The following MTRF1 variants were observed in gnomAD, a reference collection of about 807,000 sequenced individuals.
MTRF1 encodes the protein mitochondrial translation release factor 1.
Under a neutral mutation model 62.9 loss-of-function variants are expected in MTRF1, and 51 were observed. The observed-to-expected ratio is 0.81, with a 90% confidence interval of 0.65 to 1.02. The LOEUF (loss-of-function observed/expected upper bound fraction) is 1.02. MTRF1 is among the 50% of genes least tolerant of loss of function. The pLI is 0.00. For synonymous variants in MTRF1, 158 were observed against 181.9 expected (o/e 0.87, Z 1.06); for missense variants, 446 against 530.0 (o/e 0.84, Z 1.56).
chr13:41,273,937 T>C, the MTRF1 span, among the ~76,000 whole-genome samples: 53 of 152,338 alleles, frequency 3.5e-4, no homozygotes, highest in African/African-American at 1.3e-3. Context: ...GAAGGAGCTT[T>C]CAGGTCATAG....
At chr13:41,284,412 A>G in the MTRF1 span, among the ~76,000 whole-genome samples, 3 of 151,688 alleles carry the variant, frequency 2.0e-5, no homozygotes, top group East Asian at 3.9e-4. Context: ...GAACCTGGGA[A>G]GCAGAGGCTG....
chr13:41,284,802 C>T, the MTRF1 span, among the ~76,000 whole-genome samples: 29 of 152,104 alleles, frequency 1.9e-4, 1 homozygote, highest in East Asian at 4.3e-3. Context: ...TGCTGGCACC[C>T]GCCACCACAA....
At chr13:41,279,965 T>A in the MTRF1 span, among the ~76,000 whole-genome samples, 77 of 152,152 alleles carry the variant, frequency 5.1e-4, no homozygotes, top group African/African-American at 1.7e-3. Flanking sequence ...TGAGACAGAG[T>A]TTTGCTCTGT....
chr13:41,229,898 C>T lies in MTRF1; in HGVS notation c.989-3330G>A, dbSNP rs142585719. 3.3e-3 allele frequency among the ~76,000 whole-genome samples: 504 copies of T among 152,140 alleles called. 2 individuals carry two copies. The highest frequency in any genetic ancestry group is 0.011 in the African/African-American group (459 of 41,506). On this transcript the variant is annotated intron_variant, in intron 7 of 9. Transcript: ENST00000379480. ...GGCAGATCACTCTAGGTCAGGAGTT[C>T]GAGACCAGCCTGGCCAACATGGTGA... is the stretch of plus-strand genomic sequence containing the variant.
intron 6 of MTRF1, among the ~76,000 whole-genome samples, chr13:41,239,490 A>C (rs1049719731): frequency 1.3e-5 from 2 of 152,140 alleles, no homozygotes; most frequent in Non-Finnish European, 2.9e-5. Context: ...AATGTGAGAA[A>C]ATGTAAACAA....
chr13:41,243,404 CAAAAAA>C (rs371273057), intron 5 of MTRF1, among the ~76,000 whole-genome samples: 1 of 76,508 alleles, frequency 1.3e-5, no homozygotes, highest in Non-Finnish European at 2.4e-5. Flanking sequence ...GACCCTGTCT[CAAAAAA>C]AAAAAAAAAA....
At chr13:41,292,701 T>C in the MTRF1 span, among the ~76,000 whole-genome samples, 1 of 151,992 alleles carries the variant, frequency 6.6e-6, no homozygotes, top group Non-Finnish European at 1.5e-5. Context: ...ATGAGGATCA[T>C]TTGAGGCAGG....
intron 7 of MTRF1, among the ~76,000 whole-genome samples, chr13:41,231,932 T>C (rs1213518055): frequency 6.7e-6 from 1 of 148,532 alleles, no homozygotes; most frequent in African/African-American, 2.5e-5. Context: ...CAAGCGCCTA[T>C]AGTTCCAGCT....
the MTRF1 span, among the ~76,000 whole-genome samples, chr13:41,273,143 A>G: frequency 1.1e-4 from 17 of 151,806 alleles, no homozygotes; most frequent in Non-Finnish European, 1.6e-4. Flanking sequence ...TAGCTAACAC[A>G]GTGAAACCCC....
chr13:41,290,247 A>C, the MTRF1 span, among the ~76,000 whole-genome samples: 6 of 146,512 alleles, frequency 4.1e-5, no homozygotes, highest in African/African-American at 1.0e-4. Context: ...ACAGGCGTGC[A>C]CCACCTACGT....
chr13:41,291,420 T>C, the MTRF1 span, among the ~76,000 whole-genome samples: 1 of 152,066 alleles, frequency 6.6e-6, no homozygotes, highest in Non-Finnish European at 1.5e-5. Context: ...TCAAGCGATC[T>C]ACCCGCCACA....
intron 7 of MTRF1, among the ~76,000 whole-genome samples, chr13:41,232,633 C>T (rs910892059): frequency 2.0e-5 from 3 of 152,132 alleles, no homozygotes; most frequent in Non-Finnish European, 2.9e-5. Context: ...TCTCAGGAAG[C>T]CACTTAAAGA....
upstream of MTRF1, among the ~76,000 whole-genome samples, chr13:41,266,865 G>A (rs558634594): frequency 6.6e-6 from 1 of 152,002 alleles, no homozygotes; most frequent in East Asian, 1.9e-4. Flanking sequence ...CGTGGTGGCA[G>A]GCGCCTGTAG....
At chr13:41,243,314 T>C (rs1048545135) in intron 5 of MTRF1, among the ~76,000 whole-genome samples, 2 of 147,014 alleles carry the variant, frequency 1.4e-5, no homozygotes, top group African/African-American at 2.5e-5. Flanking sequence ...GAGGCTGACA[T>C]GAGAAGATGG....
the MTRF1 span, chr13:41,311,561 C>T: frequency 6.2e-7 from 1 of 1,608,662 alleles, no homozygotes; most frequent in Non-Finnish European, 8.5e-7. Context: ...CCAAGGAGAG[C>T]AACCTCTTCA....
the MTRF1 span, among the ~76,000 whole-genome samples, chr13:41,282,016 T>C: frequency 6.6e-6 from 1 of 151,456 alleles, no homozygotes; most frequent in Non-Finnish European, 1.5e-5. Context: ...CGGGCACCTG[T>C]AATCCCAGCT....
At chr13:41,237,805 A>G (rs1169790461) in intron 6 of MTRF1, among the ~76,000 whole-genome samples, 7 of 152,156 alleles carry the variant, frequency 4.6e-5, no homozygotes, top group Admixed American at 3.9e-4. Flanking sequence ...CAGCCTGACT[A>G]TACATTCTTG....
the MTRF1 span, among the ~76,000 whole-genome samples, chr13:41,306,067 A>G: frequency 6.6e-6 from 1 of 152,220 alleles, no homozygotes; most frequent in African/African-American, 2.4e-5. Flanking sequence ...AAAGGGAGGA[A>G]TAAGAGTACC....
chr13:41,281,119 T>G, the MTRF1 span, among the ~76,000 whole-genome samples: 1 of 152,204 alleles, frequency 6.6e-6, no homozygotes, highest in Non-Finnish European at 1.5e-5. Flanking sequence ...ATACCCCTCA[T>G]GTCGAGTGTG....
Sources: gnomAD v4.1 joint callset for allele counts (sites outside exome capture counted in the v4.1 genomes callset) on GRCh38, gnomAD v4.1.1 for gene constraint, MANE v1.5 for transcripts, NCBI Gene and HGNC (gene_info 2026-07-23, HGNC 2026-07-21) for gene names.